The following HSP90AA1 variants were observed in gnomAD, a reference collection of about 807,000 sequenced individuals.
The protein encoded by HSP90AA1 is heat shock protein 90 alpha family class A member 1, also known as heat shock protein HSP 90-alpha.
A neutral mutation model predicts 73.3 loss-of-function variants in HSP90AA1; 18 were observed. The observed-to-expected ratio is 0.25, with a 90% CI of 0.17 to 0.36. The LOEUF (loss-of-function observed/expected upper bound fraction) is 0.36, where lower values mean the gene tolerates loss of function less well. Ranked by LOEUF, HSP90AA1 falls within the 10% of genes least tolerant of loss-of-function variation. HSP90AA1 has a pLI of 1.00. For synonymous variants in HSP90AA1, 477 were observed against 296.9 expected, an observed-to-expected ratio of 1.61 and a Z score of -6.24; for missense variants, 704 against 874.2, an observed-to-expected ratio of 0.81 and a Z score of 2.45.
At chr14:102,085,631 T>C (rs1319996991) in intron 3 of HSP90AA1, 127 bp downstream of exon 3, 1 of 1,435,340 alleles carries the variant, frequency 7.0e-7, no homozygotes, top group Non-Finnish European at 9.8e-7. Flanking sequence ...AATTAAGTGC[T>C]CTAGCTTGTT....
intron 2 of HSP90AA1, among the ~76,000 whole-genome samples, chr14:102,098,172 G>GT (rs2049448576): frequency 6.7e-6 from 1 of 149,812 alleles, no homozygotes; most frequent in South Asian, 2.1e-4. Flanking sequence ...CTTTTTTTTT[G>GT]TTTTTTTGAG....
Position 102,083,262 on chromosome 14 carries a change from T to A in HSP90AA1, c.1527A>T (p.Glu509Asp). 6.2e-7 allele frequency: 1 copy of A among 1,614,174 alleles called. No individual in the cohort carries two copies. ...CTTCTAAGCCATGTTTCCGAAGACG[T>A]TCCACAAAGGCTGAGTTAGCTACCT... is the stretch of plus-strand genomic sequence containing the variant. ...KDQVANSAFV[E>D]RLRKHGLEVI... is the part of the protein sequence containing the mutation. The change falls in exon 9 of 11, where the codon GAA becomes GAT. Residue 509 changes from glutamate (E) to aspartate (D), a missense_variant. Physicochemically the swap from Glu to Asp is conservative, Grantham distance 45. Coordinates refer to ENST00000216281, the MANE Select transcript of HSP90AA1 (RefSeq NM_005348.4).
At chr14:102,101,205 G>A (rs1463385460) in intron 2 of HSP90AA1, among the ~76,000 whole-genome samples, 1 of 152,146 alleles carries the variant, frequency 6.6e-6, no homozygotes, top group African/African-American at 2.4e-5. Context: ...AATGTTCACT[G>A]CCATATTAGC....
intron 2 of HSP90AA1, among the ~76,000 whole-genome samples, chr14:102,098,459 CTTTTTTTTT>C (rs55683551): frequency 1.3e-5 from 1 of 75,464 alleles, no homozygotes; most frequent in African/African-American, 5.1e-5. Flanking sequence ...TGCACCTGGC[CTTTTTTTTT>C]TTTTTTTTTT....
At chr14:102,129,984 GT>G (rs2049888727) in intron 1 of HSP90AA1, among the ~76,000 whole-genome samples, 1 of 148,648 alleles carries the variant, frequency 6.7e-6, no homozygotes, top group Non-Finnish European at 1.5e-5. Context: ...GTTTTGTTTT[GT>G]TTTGAGATGG....
chr14:102,086,360 T>C lies in HSP90AA1; in HGVS notation c.19A>G (p.Thr7Ala), dbSNP rs1361414749. The C allele has an allele frequency of 6.2e-7, 1 of 1,614,176 alleles. No homozygotes were observed. Among genetic ancestry groups the C allele is most frequent in the Admixed American group, 1.7e-5 (1 of 60,020 alleles). MPEETQTQDQPMEEEEV... is the reference protein window; with the variant it reads MPEETQAQDQPMEEEEV... ...TCCTCCTCCATCGGTTGGTCTTGGG[T>C]CTGGGTTTCCTCAGGCATCTGGAAC... The change falls in exon 2 of 11, where the codon ACC becomes GCC. Residue 7 changes from threonine to alanine, a missense_variant. Thr to Ala is a moderately conservative substitution (Grantham distance 58). Transcript: ENST00000216281.
At chr14:102,100,873 T>C (rs2049483875) in intron 2 of HSP90AA1, among the ~76,000 whole-genome samples, 1 of 152,232 alleles carries the variant, frequency 6.6e-6, no homozygotes, top group South Asian at 2.1e-4. Flanking sequence ...ATCTGTGAAG[T>C]TCCTCTCTAA....
At position 102,082,230 on chromosome 14, in the gene HSP90AA1, T is replaced by C. The variant is rs1471298461; in HGVS notation, c.1970A>G (p.Lys657Arg). ...CAAGATGACCAGATCCTTCACAGAC[T>C]TGTCGTTCTTATCAGCCTCTGCCTT... ...RQKAEADKND[K>R]SVKDLVILLY... Residue 657 changes from lysine (K) to arginine (R), a missense_variant, in exon 10 of 11, where the codon AAG becomes AGG. By Grantham distance (26) the Lys-to-Arg change is conservative. Coordinates refer to ENST00000216281, the MANE Select transcript of HSP90AA1 (RefSeq NM_005348.4). 6.2e-7 allele frequency: 1 copy of C among 1,613,828 alleles called. No individual in the cohort carries two copies. The highest frequency in any genetic ancestry group is 1.3e-5 in the African/African-American group (1 of 74,930).
chr14:102,139,175 G>C, intron 1 of HSP90AA1: 1 of 1,541,324 alleles, frequency 6.5e-7, no homozygotes, highest in Non-Finnish European at 8.9e-7. Flanking sequence ...CACCTATGCT[G>C]TACCACATTC....
At chr14:102,099,082 A>G (rs1374569427) in intron 2 of HSP90AA1, among the ~76,000 whole-genome samples, 2 of 152,218 alleles carry the variant, frequency 1.3e-5, no homozygotes, top group Non-Finnish European at 1.5e-5. Flanking sequence ...CCCAGTCCCA[A>G]TTAATAAGTT....
Position 102,085,548 on chromosome 14 carries a change from G to A in HSP90AA1, c.530-117C>T, listed in dbSNP as rs1474628908. The A allele has an allele frequency of 1.4e-5, 17 of 1,217,848 alleles. No homozygotes were observed. The Admixed American group carries it at 2.5e-4, about 18-fold the overall frequency. 75.4% of individuals were successfully genotyped at this position (1,217,848 alleles called of 1,614,324 possible). Reference sequence around the variant, plus strand: ...GTTTGCCGTTACTACAGATGCAAAGGCCACCACAGCAGAACCTTTTGGGCA... The same window carrying A: ...GTTTGCCGTTACTACAGATGCAAAGACCACCACAGCAGAACCTTTTGGGCA... On this transcript the variant is annotated intron_variant, in intron 3 of 10. Coordinates refer to ENST00000216281, the MANE Select transcript of HSP90AA1 (RefSeq NM_005348.4).
Position 102,086,270 on chromosome 14 carries a change from A to C in HSP90AA1, c.109T>G (p.Phe37Val). ...AGAAAGATCTCTTTGTTCGAGTAGA[A>C]AGTATTGATGATCAATGACATCAAC... Reference protein sequence around the residue: ...AQLMSLIINTFYSNKEIFLRE... With the variant: ...AQLMSLIINTVYSNKEIFLRE... The change falls in exon 2 of 11, where the codon TTC (phenylalanine) becomes GTC (valine). Residue 37 changes from phenylalanine to valine, a missense_variant. Phe to Val is a conservative substitution (Grantham distance 50). Coordinates refer to ENST00000216281, the MANE Select transcript of HSP90AA1 (RefSeq NM_005348.4). 6.2e-7 allele frequency: 1 copy of C among 1,614,118 alleles called. No individual in the cohort carries two copies. Among genetic ancestry groups the C allele is most frequent in the Non-Finnish European group, 8.5e-7 (1 of 1,179,972 alleles).
At chr14:102,103,630 C>T (rs190875858) in intron 1 of HSP90AA1, among the ~76,000 whole-genome samples, 1 of 151,744 alleles carries the variant, frequency 6.6e-6, no homozygotes, top group Non-Finnish European at 1.5e-5. Context: ...ATGGTGAAAC[C>T]CTGTCTCTAC....
At chr14:102,090,815 C>T (rs1035666781), upstream of HSP90AA1, among the ~76,000 whole-genome samples, 1 of 152,196 alleles carries the variant, frequency 6.6e-6, no homozygotes, top group Admixed American at 6.5e-5. Context: ...ATTTGTTGAC[C>T]TCGTCCCACA....
In HSP90AA1 at chr14:102,086,340, C is replaced by T; in HGVS notation, c.39G>A (p.Glu13=). ...EETQTQDQPM[E]EEEVETFAFQ... ...AGGCGAACGTCTCAACCTCCTCCTC[C>T]TCCATCGGTTGGTCTTGGGTCTGGG... is the stretch of plus-strand genomic sequence containing the variant. Residue 13 remains glutamate, a synonymous_variant, in exon 2 of 11, where the codon GAG becomes GAA. Coordinates refer to ENST00000216281, the MANE Select transcript of HSP90AA1 (RefSeq NM_005348.4). The T allele has an allele frequency of 2.5e-6, 4 of 1,614,202 alleles. No individual in the cohort carries two copies. The highest frequency in any genetic ancestry group is 1.1e-5 in the South Asian group (1 of 91,090).
chr14:102,131,212 ATC>A (rs2049903389), intron 1 of HSP90AA1, among the ~76,000 whole-genome samples: 1 of 152,076 alleles, frequency 6.6e-6, no homozygotes, highest in African/African-American at 2.4e-5. Flanking sequence ...AGCCTTCCTC[ATC>A]TCTGTTAATG....
At chr14:102,108,022 T>C (rs1186314993) in intron 1 of HSP90AA1, among the ~76,000 whole-genome samples, 2 of 151,604 alleles carry the variant, frequency 1.3e-5, no homozygotes, top group Non-Finnish European at 2.9e-5. Context: ...ACCAGCACTT[T>C]GGGACGCCAA....
At chr14:102,114,647 T>C (rs1391863961) in intron 1 of HSP90AA1, among the ~76,000 whole-genome samples, 1 of 152,176 alleles carries the variant, frequency 6.6e-6, no homozygotes, top group African/African-American at 2.4e-5. Context: ...CACACTCACG[T>C]AATCCCCATT....
intron 2 of HSP90AA1, among the ~76,000 whole-genome samples, chr14:102,095,525 T>G (rs776602614): frequency 2.0e-5 from 3 of 152,188 alleles, no homozygotes; most frequent in Non-Finnish European, 4.4e-5. Flanking sequence ...GGCAGCTCCC[T>G]CAGGAACTTC....
Sources: gnomAD v4.1 joint callset for allele counts (sites outside exome capture counted in the v4.1 genomes callset) on GRCh38, gnomAD v4.1.1 for gene constraint, MANE v1.5 for transcripts, NCBI Gene and HGNC (gene_info 2026-07-23, HGNC 2026-07-21) for gene names.